The following EPC2 variants were observed in gnomAD, a reference collection of about 807,000 sequenced individuals.
The protein encoded by EPC2 is enhancer of polycomb 2.
Under a neutral mutation model 92.1 loss-of-function variants are expected in EPC2, and 14 were observed. The ratio of observed to expected loss-of-function variants is 0.15; its 90% CI spans 0.10 to 0.24. EPC2 has a LOEUF of 0.24. Among genes scored for constraint, EPC2 ranks in the 10% least tolerant of loss-of-function variants. The pLI, the probability that EPC2 is intolerant of heterozygous loss-of-function variation, is 1.00. For synonymous variants in EPC2, 340 were observed against 334.7 expected (o/e 1.02, Z -0.17); for missense variants, 755 against 971.5 (o/e 0.78, Z 2.96).
intron 3 of EPC2, among the ~76,000 whole-genome samples, chr2:148,747,898 A>G (rs1476833663): frequency 6.6e-6 from 1 of 152,010 alleles, no homozygotes; most frequent in African/African-American, 2.4e-5. Flanking sequence ...CTAAGCAAGT[A>G]TTTCAAATTT....
chr2:148,670,160 A>C (rs1168929434), intron 1 of EPC2, among the ~76,000 whole-genome samples: 4 of 151,668 alleles, frequency 2.6e-5, no homozygotes, highest in Non-Finnish European at 4.4e-5. Context: ...CTTGCTCCAT[A>C]CTCTGGGAAC....
chr2:148,673,419 G>T (rs1374156334), intron 1 of EPC2, among the ~76,000 whole-genome samples: 1 of 152,028 alleles, frequency 6.6e-6, no homozygotes, highest in Non-Finnish European at 1.5e-5. Context: ...CAAATGACTT[G>T]TATTTGAATT....
intron 6 of EPC2, 146 bp downstream of exon 6, chr2:148,762,948 AG>A: frequency 1.3e-6 from 1 of 788,714 alleles, no homozygotes; most frequent in Non-Finnish European, 1.9e-6. Context: ...GCACTTTGCT[AG>A]GAGTATTTAT....
chr2:148,698,665 G>T (rs926112856), intron 2 of EPC2, among the ~76,000 whole-genome samples: 162 of 88,366 alleles, frequency 1.8e-3, no homozygotes, highest in South Asian at 4.1e-3. Flanking sequence ...AAAATCTCCT[G>T]TTTCTCTGAT....
chr2:148,681,103 A>G (rs1272564593), intron 1 of EPC2, among the ~76,000 whole-genome samples: 1 of 152,224 alleles, frequency 6.6e-6, no homozygotes, highest in Non-Finnish European at 1.5e-5. Flanking sequence ...GGCACTGGGG[A>G]CAAAGTGGTA....
At position 148,709,204 on chromosome 2, in the gene EPC2, GACAA is replaced by G. The variant is rs1419436267; in HGVS notation, c.313+18835_313+18838del. ...CAAGCATTCTTATACACCAATAACA[GACAA>G]ACAGAGGCCAAATCATGAGGGAACT... On this transcript the variant is annotated intron_variant, in intron 2 of 13. Transcript: ENST00000258484. Among the ~76,000 whole-genome samples the G allele has an allele frequency of 3.3e-5, 5 of 152,210 alleles. No homozygotes were observed. In the South Asian group the frequency reaches 1.0e-3, roughly 32 times the overall value.
chr2:148,658,617 A>G (rs879756351), intron 1 of EPC2, among the ~76,000 whole-genome samples: 3,113 of 149,082 alleles, frequency 0.021, 37 homozygotes, highest in African/African-American at 0.029. Context: ...GTATATATAT[A>G]TATATATATA....
At chr2:148,659,764 G>A (rs535320986) in intron 1 of EPC2, among the ~76,000 whole-genome samples, 24 of 152,102 alleles carry the variant, frequency 1.6e-4, no homozygotes, top group African/African-American at 4.8e-4. Context: ...GTATTGCAGT[G>A]GTATTGTGTT....
At chr2:148,713,843 CTG>C (rs770594454) in intron 2 of EPC2, among the ~76,000 whole-genome samples, 120 of 152,304 alleles carry the variant, frequency 7.9e-4, no homozygotes, top group Non-Finnish European at 1.4e-3. Flanking sequence ...TAGGTACACT[CTG>C]TGATGTTCCC....
chr2:148,764,159 G>T (rs1285625277), intron 6 of EPC2, among the ~76,000 whole-genome samples: 1 of 152,072 alleles, frequency 6.6e-6, no homozygotes, highest in Non-Finnish European at 1.5e-5. Flanking sequence ...TATTTTTATT[G>T]TGTGTACTGT....
intron 1 of EPC2, among the ~76,000 whole-genome samples, chr2:148,652,273 T>TA (rs1680703545): frequency 6.6e-6 from 1 of 152,218 alleles, no homozygotes; most frequent in Non-Finnish European, 1.5e-5. Flanking sequence ...GTTAAAGTGT[T>TA]AAATCATTTT....
chr2:148,705,786 A>C (rs950699768), intron 2 of EPC2, among the ~76,000 whole-genome samples: 1 of 152,248 alleles, frequency 6.6e-6, no homozygotes, highest in Admixed American at 6.5e-5. Flanking sequence ...ACTAACAAAC[A>C]AAAAGGAACA....
chr2:148,696,364 A>G (rs1385627317), intron 2 of EPC2, among the ~76,000 whole-genome samples: 1 of 152,236 alleles, frequency 6.6e-6, no homozygotes, highest in Non-Finnish European at 1.5e-5. Flanking sequence ...ATGAAAGAGA[A>G]GCCTGAGTTT....
chr2:148,672,974 C>T (rs1431679112), intron 1 of EPC2, among the ~76,000 whole-genome samples: 1 of 152,116 alleles, frequency 6.6e-6, no homozygotes, highest in Non-Finnish European at 1.5e-5. Flanking sequence ...TCATTCTGTT[C>T]TGACAGTTTT....
At chr2:148,665,834 GA>G (rs1301469769) in intron 1 of EPC2, among the ~76,000 whole-genome samples, 3 of 151,916 alleles carry the variant, frequency 2.0e-5, no homozygotes, top group African/African-American at 7.3e-5. Flanking sequence ...TTTTTCAGGA[GA>G]AAAAAATCTT....
At chr2:148,760,484 AG>A (rs1187184072) in intron 4 of EPC2, among the ~76,000 whole-genome samples, 2 of 152,122 alleles carry the variant, frequency 1.3e-5, no homozygotes, top group Admixed American at 6.6e-5. Flanking sequence ...AAGCCTTTTG[AG>A]GGTAAGGGAC....
At chr2:148,743,598 G>T (rs1682924120) in intron 2 of EPC2, 24 bp from the exon 3 acceptor site, 1 of 1,507,908 alleles carries the variant, frequency 6.6e-7, no homozygotes, top group Non-Finnish European at 8.8e-7. Flanking sequence ...TCCTGAGTTT[G>T]AAGAATTTTT....
At chr2:148,743,035 T>C (rs1340235856) in intron 2 of EPC2, among the ~76,000 whole-genome samples, 1 of 152,234 alleles carries the variant, frequency 6.6e-6, no homozygotes, top group East Asian at 1.9e-4. Context: ...TTATGGCTTC[T>C]GAGTTGCTGC....
At chr2:148,673,075 T>C (rs1297544861) in intron 1 of EPC2, among the ~76,000 whole-genome samples, 1 of 152,218 alleles carries the variant, frequency 6.6e-6, no homozygotes, top group Non-Finnish European at 1.5e-5. Flanking sequence ...AGCTCTCCCT[T>C]GTACATGACA....
Sources: gnomAD v4.1 joint callset for allele counts (sites outside exome capture counted in the v4.1 genomes callset) on GRCh38, gnomAD v4.1.1 for gene constraint, MANE v1.5 for transcripts, NCBI Gene and HGNC (gene_info 2026-07-23, HGNC 2026-07-21) for gene names.